Variants in ZNF536 observed in about 807,000 individuals in gnomAD.
ZNF536 encodes zinc finger protein 536.
A neutral mutation model predicts 84.5 loss-of-function variants in ZNF536; 13 were observed. That is an observed-to-expected ratio of 0.15 (90% CI 0.10 to 0.24). The LOEUF (loss-of-function observed/expected upper bound fraction) is 0.24. Among genes scored for constraint, ZNF536 ranks in the 10% least tolerant of loss-of-function variants. The probability of loss-of-function intolerance (pLI) is 1.00; values close to 1 mark genes in which losing one functional copy is unlikely to be tolerated. For synonymous variants in ZNF536, 811 were observed against 742.5 expected (o/e 1.09, Z -1.50); for missense variants, 1,536 against 1,747.5 (o/e 0.88, Z 2.16).
intron 1 of ZNF536, among the ~76,000 whole-genome samples, chr19:30,636,751 C>G (rs1225951126): frequency 6.6e-6 from 1 of 152,152 alleles, no homozygotes; most frequent in African/African-American, 2.4e-5. Context: ...CTCCTAACTC[C>G]AAGCTTCATG....
chr19:30,341,706 CT>C (rs200248995), intron 2 of ZNF536, among the ~76,000 whole-genome samples: 251 of 146,032 alleles, frequency 1.7e-3, no homozygotes, highest in East Asian at 0.011. Context: ...ATTTGGAACT[CT>C]TTTTTTTTTT....
rs558644078 is a variant in ZNF536, at chr19:30,332,856, G to A, written c.-119-19512G>A. ...AGCACTTTGGAAGGCCAAGATGGGA[G>A]GATTACTTGAGCCCAGGAGCTCTAG... On this transcript the variant is annotated intron_variant, in intron 2 of 5. Coordinates refer to the ZNF536 transcript ENST00000585628. Among the ~76,000 whole-genome samples, 23 of 152,190 alleles carry A rather than the reference G, an allele frequency of 1.5e-4. 1 individual carries two copies. The highest frequency in any genetic ancestry group is 3.1e-4 in the Non-Finnish European group (21 of 68,032).
rs763902544 is a variant in ZNF536 at position 30,445,470 on chromosome 19, C to T, written c.1908C>T (p.Cys636=). The change falls in exon 2 of 5, where the codon TGC becomes TGT. Residue 636 remains cysteine (C), a synonymous_variant. Transcript: ENST00000355537. The surrounding 1 kb of genome is among the most constrained non-coding windows in gnomAD (Gnocchi z 4.5). ...MKEKPTECPD[C]GRVFRTYHQV... is the part of the protein sequence containing the mutation. ...AGAAGCCCACCGAGTGCCCCGACTG[C>T]GGCCGGGTGTTCCGCACTTACCACC... 4.5e-5 allele frequency: 73 copies of T among 1,614,030 alleles called. No homozygotes were observed. Among genetic ancestry groups the T allele is most frequent in the Non-Finnish European group, 6.0e-5 (71 of 1,180,044 alleles).
At chr19:30,300,759 C>A (rs576618584) in intron 2 of ZNF536, 1 of 152,120 alleles carries the variant, frequency 6.6e-6, no homozygotes, top group African/African-American at 2.4e-5. Flanking sequence ...AGTAATTTGC[C>A]GAAGAAATAC....
intron 1 of ZNF536, among the ~76,000 whole-genome samples, chr19:30,585,944 T>C (rs2047079471): frequency 6.6e-6 from 1 of 152,216 alleles, no homozygotes; most frequent in African/African-American, 2.4e-5. Flanking sequence ...GTGTTTGAGC[T>C]AATATTTTCT....
intron 2 of ZNF536, among the ~76,000 whole-genome samples, chr19:30,341,686 C>G (rs973533657): frequency 6.6e-6 from 1 of 151,928 alleles, no homozygotes; most frequent in Non-Finnish European, 1.5e-5. Flanking sequence ...AGAATTTATG[C>G]AGAGCTGGGA....
intron 3 of ZNF536, among the ~76,000 whole-genome samples, chr19:30,365,369 C>T (rs996336179): frequency 3.3e-5 from 5 of 152,168 alleles, no homozygotes; most frequent in African/African-American, 9.7e-5. Flanking sequence ...CTCTCTTCCT[C>T]CCCCTCTCTC....
rs2146237779 is a variant in ZNF536 at position 30,549,102 on chromosome 19, C to G, written c.3483C>G (p.Leu1161=). Residue 1161 remains leucine (L), a synonymous_variant, in exon 4 of 5, where the codon CTC becomes CTG. Transcript: ENST00000355537. ...ETTSKNTTDD[L]SDIASSEDMD... is the part of the protein sequence containing the mutation. The stretch of plus-strand genomic sequence containing the variant: ...CGAGTAAGAACACTACTGATGACCT[C>G]TCTGACATTGCCTCCTCAGAGGACA... 6.2e-7 allele frequency: 1 copy of G among 1,614,176 alleles called. No homozygotes were observed. Among genetic ancestry groups the G allele is most frequent in the Non-Finnish European group, 8.5e-7 (1 of 1,180,044 alleles).
intron 1 of ZNF536, among the ~76,000 whole-genome samples, chr19:30,267,550 C>A (rs2145397726): frequency 6.6e-6 from 1 of 152,228 alleles, no homozygotes; most frequent in South Asian, 2.1e-4. Context: ...CCCTGTCCAT[C>A]TTTGCATCCC....
chr19:30,289,508 C>T (rs1230316991), intron 2 of ZNF536, among the ~76,000 whole-genome samples: 13 of 152,324 alleles, frequency 8.5e-5, no homozygotes, highest in East Asian at 3.9e-4. Context: ...CGGGGGCCCC[C>T]GTGCTTTCCT....
chr19:30,305,801 G>A (rs760793829), intron 2 of ZNF536, among the ~76,000 whole-genome samples: 9 of 152,220 alleles, frequency 5.9e-5, no homozygotes, highest in Non-Finnish European at 1.2e-4. Flanking sequence ...CTGGCCCCTG[G>A]TAGGCACTGG....
intron 2 of ZNF536, among the ~76,000 whole-genome samples, chr19:30,315,800 GT>G (rs1462599045): frequency 6.6e-6 from 1 of 152,110 alleles, no homozygotes; most frequent in Non-Finnish European, 1.5e-5. Flanking sequence ...CATGTGTAGG[GT>G]GAATATTCAC....
intron 2 of ZNF536, among the ~76,000 whole-genome samples, chr19:30,482,082 G>T (rs2144875783): frequency 1.3e-5 from 2 of 152,314 alleles, no homozygotes; most frequent in Middle Eastern, 3.4e-3. Context: ...TACTTAGGTT[G>T]ATTCCATATC....
chr19:30,599,637 C>T (rs902143304), intron 1 of ZNF536, among the ~76,000 whole-genome samples: 1 of 151,936 alleles, frequency 6.6e-6, no homozygotes, highest in Non-Finnish European at 1.5e-5. Flanking sequence ...TGTCACTGGC[C>T]TCCCTTTACA....
At chr19:30,572,114 TCATGGTAGCC>T (rs765097584) in intron 1 of ZNF536, among the ~76,000 whole-genome samples, 28 of 152,162 alleles carry the variant, frequency 1.8e-4, no homozygotes, top group Non-Finnish European at 2.8e-4. Context: ...GCCCTAACTG[TCATGGTAGCC>T]CATGCCTTTG....
At chr19:30,414,121 C>G (rs1039153321) in intron 1 of ZNF536, among the ~76,000 whole-genome samples, 8 of 143,244 alleles carry the variant, frequency 5.6e-5, no homozygotes, top group African/African-American at 2.0e-4. Flanking sequence ...AAAAGTTTCC[C>G]TGTACCTATT....
intron 2 of ZNF536, among the ~76,000 whole-genome samples, chr19:30,285,868 A>G (rs1381536253): frequency 6.6e-6 from 1 of 152,212 alleles, no homozygotes; most frequent in African/African-American, 2.4e-5. Flanking sequence ...AGAAATCACC[A>G]TATGTCCCCT....
chr19:30,328,524 C>T (rs925378238), intron 2 of ZNF536, among the ~76,000 whole-genome samples: 1 of 152,194 alleles, frequency 6.6e-6, no homozygotes, highest in Non-Finnish European at 1.5e-5. Flanking sequence ...TTAATAATTG[C>T]GTATTCAATA....
chr19:30,445,528 G>T lies in ZNF536; in HGVS notation c.1966G>T (p.Asp656Tyr). ...CGTGCACTCCCGTGTCCACAAGCGG[G>T]ACCGCAAGGGCGAGGAGGATGGGCT... Reference protein sequence around the residue: ...VVVHSRVHKRDRKGEEDGLHV... With the variant: ...VVVHSRVHKRYRKGEEDGLHV... Residue 656 changes from aspartate (D) to tyrosine (Y), a missense_variant, in exon 2 of 5, where the codon GAC becomes TAC. By Grantham distance (160) the Asp-to-Tyr change is radical. Around this residue, in one of 8 missense-constraint regions of ZNF536, gnomAD observed 366 missense variants for 364.4 expected, o/e 1.00. Transcript: ENST00000355537. The surrounding 1 kb of genome is among the most constrained non-coding windows in gnomAD (Gnocchi z 4.5). 1 of 1,613,910 alleles carries T rather than the reference G, an allele frequency of 6.2e-7. No homozygotes were observed. Among genetic ancestry groups the T allele is most frequent in the Non-Finnish European group, 8.5e-7 (1 of 1,179,970 alleles).
Sources: allele counts gnomAD v4.1 joint callset (sites outside exome capture counted in the v4.1 genomes callset), GRCh38; gene constraint gnomAD v4.1.1; regional missense constraint gnomAD v4.1.1; non-coding constraint Gnocchi (gnomAD v3.1); transcripts MANE v1.5; gene names NCBI Gene and HGNC (gene_info 2026-07-23, HGNC 2026-07-21).